The following NBPF11 variants were observed in gnomAD, a reference collection of about 807,000 sequenced individuals.
NBPF11 encodes the protein NBPF family member NBPF11.
A neutral mutation model predicts 93.9 loss-of-function variants in NBPF11; 72 were observed. The ratio of observed to expected loss-of-function variants is 0.77; its 90% CI spans 0.63 to 0.93. The LOEUF is 0.93. NBPF11 is among the 40% of genes least tolerant of loss of function. The pLI, the probability that NBPF11 is intolerant of heterozygous loss-of-function variation, is 0.00. For missense variants in NBPF11, 705 were observed against 802.2 expected, an observed-to-expected ratio of 0.88 and a Z score of 1.46; for synonymous variants, 224 against 304.9, an observed-to-expected ratio of 0.73 and a Z score of 2.76.
At chr1:148,117,002 G>C (rs1373073806) in intron 12 of NBPF11, among the ~76,000 whole-genome samples, 1 of 152,138 alleles carries the variant, frequency 6.6e-6, no homozygotes, top group South Asian at 2.1e-4. Context: ...CTATCCATGG[G>C]GAGTGCTCCA....
intron 23 of NBPF11, 79 bp from the exon 24 acceptor site, chr1:148,103,991 A>T (rs1662914594): frequency 6.2e-7 from 1 of 1,609,112 alleles, no homozygotes. Flanking sequence ...CAGAAGTAAC[A>T]TAAGGAAGTG....
rs4503405 is a variant in NBPF11 at position 148,127,135 on chromosome 1, A to C, written c.-35-97T>G. On this transcript the variant is annotated intron_variant, in intron 4 of 23. Coordinates refer to ENST00000682118, the MANE Select transcript of NBPF11 (RefSeq NM_001385469.3). Reference sequence around the variant, plus strand: ...GGGATGTCAGTAACTGAAATTCTTAACTTACTGTTGTGAAAAATGTGATCA... The same window carrying C: ...GGGATGTCAGTAACTGAAATTCTTACCTTACTGTTGTGAAAAATGTGATCA... The C allele has an allele frequency of 1.2e-4, 54 of 438,270 alleles. 1 individual carries two copies. Among genetic ancestry groups the C allele is most frequent in the South Asian group, 9.6e-4 (43 of 44,964 alleles). The allele number at this position is 438,270 out of a possible 1,614,324, so 27.1% of individuals were successfully genotyped here.
intron 8 of NBPF11, among the ~76,000 whole-genome samples, 172 bp from the exon 9 acceptor site, chr1:148,122,438 G>A (rs782674542): frequency 0.14 from 21,130 of 152,062 alleles, 1,685 homozygotes; most frequent in East Asian, 0.28. Context: ...ACAGAGCTTC[G>A]CTGCCATGGG....
chr1:148,143,102 G>T (rs1182339716), intron 2 of NBPF11, among the ~76,000 whole-genome samples: 1 of 141,574 alleles, frequency 7.1e-6, no homozygotes, highest in Non-Finnish European at 1.5e-5. Context: ...AGAAATGGGG[G>T]CAGAGAATGG....
Position 148,126,853 on chromosome 1 carries a change from G to A in NBPF11, c.151C>T (p.Leu51=), listed in dbSNP as rs1669242660. ...RCFLTQLAGF[L]ANRQKKYKYE... Reference sequence around the variant, plus strand: ...CTGTATTTCTTCTGTCGGTTGGCCAGGAAGCCGGCCAGTTGAGTTAGAAAA... The same window carrying A: ...CTGTATTTCTTCTGTCGGTTGGCCAAGAAGCCGGCCAGTTGAGTTAGAAAA... The change falls in exon 5 of 24, where the codon CTG becomes TTG. Residue 51 remains leucine, a synonymous_variant. Transcript: ENST00000682118. The A allele has an allele frequency of 2.0e-6, 3 of 1,519,820 alleles. No individual in the cohort carries two copies. The highest frequency in any genetic ancestry group is 1.4e-5 in the African/African-American group (1 of 72,250). 94.1% of individuals were successfully genotyped at this position (1,519,820 alleles called of 1,614,324 possible). A position where few individuals can be genotyped will look rare whatever the true frequency, so the allele number is the denominator to read the frequency against.
intron 4 of NBPF11, among the ~76,000 whole-genome samples, chr1:148,129,031 G>C (rs1669727743): frequency 1.4e-5 from 2 of 148,108 alleles, no homozygotes; most frequent in South Asian, 4.2e-4. Context: ...ATAGCATTAG[G>C]ATATATACCT....
intron 17 of NBPF11, 146 bp downstream of exon 17, chr1:148,109,135 CTAA>C: frequency 1.3e-6 from 1 of 752,378 alleles, no homozygotes; most frequent in Non-Finnish European, 2.4e-6. Context: ...AACATTTACT[CTAA>C]TGAGAACCAA....
chr1:148,124,572 G>A (rs1319512219), intron 6 of NBPF11, among the ~76,000 whole-genome samples: 3 of 151,518 alleles, frequency 2.0e-5, no homozygotes, highest in Non-Finnish European at 2.9e-5. Context: ...TCTCACTAAG[G>A]GTAAGTGGGG....
chr1:148,143,117 T>G (rs1672462357), intron 2 of NBPF11, among the ~76,000 whole-genome samples: 31 of 126,944 alleles, frequency 2.4e-4, no homozygotes, highest in South Asian at 5.4e-4. Flanking sequence ...GAATGGGGGG[T>G]GAGAGGGGAA....
intron 16 of NBPF11, among the ~76,000 whole-genome samples, chr1:148,110,084 G>C (rs1453140124): frequency 6.6e-6 from 1 of 151,640 alleles, no homozygotes; most frequent in South Asian, 2.1e-4. Context: ...TCCTGGGCAT[G>C]TGCTGCACAG....
chr1:148,149,704 A>C, intron 1 of NBPF11: 1 of 605,808 alleles, frequency 1.7e-6, no homozygotes, highest in Non-Finnish European at 2.9e-6. Context: ...GCTGTGGACG[A>C]TGTACAGGCA....
intron 4 of NBPF11, among the ~76,000 whole-genome samples, chr1:148,134,832 C>A (rs1671009261): frequency 6.6e-6 from 1 of 151,930 alleles, no homozygotes; most frequent in South Asian, 2.1e-4. Context: ...TCACAGACAA[C>A]CACAGACCAC....
In NBPF11 at chr1:148,146,838, C is replaced by T. The variant is rs1403186617; in HGVS notation, c.-548-3152G>A. On this transcript the variant is annotated intron_variant, in intron 1 of 23. Transcript: ENST00000682118. The stretch of plus-strand genomic sequence containing the variant: ...GCAACATCTTCACCTACGACTCCTC[C>T]GGCTACGGTGCCAGCTCGGGCAGGC... 1.5e-5 allele frequency: 25 copies of T among 1,613,728 alleles called. No homozygotes were observed. In the African/African-American group the frequency reaches 1.6e-4, roughly 10 times the overall value.
chr1:148,103,755 C>A lies in NBPF11; in HGVS notation c.*141G>T, dbSNP rs1662833026. On this transcript the variant is annotated 3_prime_UTR_variant, in exon 24 of 24. Transcript: ENST00000682118. Reference sequence around the variant, plus strand: ...AAAAACCTATTGTCCATGTCAAGGGCAAAGCTGATGTGCTGTTCCTCAAAT... The same window carrying A: ...AAAAACCTATTGTCCATGTCAAGGGAAAAGCTGATGTGCTGTTCCTCAAAT... 1.2e-6 allele frequency: 2 copies of A among 1,611,820 alleles called. No individual in the cohort carries two copies. Among genetic ancestry groups the A allele is most frequent in the South Asian group, 2.2e-5 (2 of 90,994 alleles).
chr1:148,113,440 C>T (rs1352077468), intron 15 of NBPF11, among the ~76,000 whole-genome samples: 1 of 148,572 alleles, frequency 6.7e-6, no homozygotes, highest in African/African-American at 2.5e-5. Context: ...TATATATGCA[C>T]CCTATACAGG....
intron 4 of NBPF11, 21 bp from the exon 5 acceptor site, chr1:148,127,059 C>T: frequency 3.7e-6 from 2 of 545,996 alleles, no homozygotes; most frequent in Non-Finnish European, 6.3e-6. Flanking sequence ...GAAACCCAAA[C>T]ATATGATGGG....
At position 148,124,989 on chromosome 1, in the gene NBPF11, C is replaced by A; in HGVS notation, c.188G>T (p.Cys63Phe). The A allele has an allele frequency of 6.3e-7, 1 of 1,593,464 alleles. No homozygotes were observed. Among genetic ancestry groups the A allele is most frequent in the South Asian group, 1.1e-5 (1 of 90,768 alleles). ...CAGCATAAATTTTATGAGGTCTTTA[C>A]ACTCTTCATACTCTGAGAAAAGACA... ...NRQKKYKYEE[C>F]KDLIKFMLRN... The change falls in exon 6 of 24, where the codon TGT (cysteine) becomes TTT (phenylalanine). Residue 63 changes from cysteine to phenylalanine, a missense_variant. This residue lies in a region of NBPF11 where 128 missense variants were observed against 112.8 expected (regional missense o/e 1.14). Coordinates refer to ENST00000682118, the MANE Select transcript of NBPF11 (RefSeq NM_001385469.3).
At chr1:148,147,411 G>A (rs1321369330) in intron 1 of NBPF11, among the ~76,000 whole-genome samples, 2 of 152,030 alleles carry the variant, frequency 1.3e-5, no homozygotes, top group African/African-American at 4.8e-5. Flanking sequence ...GTGCAGACCC[G>A]CAGCACACAT....
intron 8 of NBPF11, among the ~76,000 whole-genome samples, chr1:148,122,504 A>G (rs1464776155): frequency 2.6e-4 from 39 of 152,130 alleles, no homozygotes; most frequent in East Asian, 5.8e-4. Context: ...TAGGAGCTGA[A>G]GAGGATGAAG....
Sources: allele counts gnomAD v4.1 joint callset (sites outside exome capture counted in the v4.1 genomes callset), GRCh38; gene constraint gnomAD v4.1.1; regional missense constraint gnomAD v4.1.1; transcripts MANE v1.5; gene names NCBI Gene and HGNC (gene_info 2026-07-23, HGNC 2026-07-21).